The following CSMD3 variants were observed in gnomAD, a reference collection of about 807,000 sequenced individuals.
The protein encoded by CSMD3 is CUB and sushi domain-containing protein 3.
Under a neutral mutation model 435.2 loss-of-function variants are expected in CSMD3, and 177 were observed. That is an observed-to-expected ratio of 0.41 (90% CI 0.36 to 0.46). CSMD3 has a LOEUF of 0.46. CSMD3 is among the 20% of genes least tolerant of loss of function. CSMD3 has a pLI of 0.34. For missense variants in CSMD3, 4,265 were observed against 4,504.6 expected, an observed-to-expected ratio of 0.95 and a Z score of 1.52; for synonymous variants, 1,656 against 1,520.5, an observed-to-expected ratio of 1.09 and a Z score of -2.07.
chr8:112,653,117 G>C (rs1586896723), intron 18 of CSMD3, among the ~76,000 whole-genome samples: 2 of 152,118 alleles, frequency 1.3e-5, no homozygotes, highest in South Asian at 4.1e-4. Context: ...TGCCCAGCTA[G>C]TTTTAGAAAA....
At chr8:113,193,791 CT>C (rs2092617357) in intron 3 of CSMD3, among the ~76,000 whole-genome samples, 1 of 151,312 alleles carries the variant, frequency 6.6e-6, no homozygotes, top group Admixed American at 6.6e-5. Flanking sequence ...TCTATGTAAT[CT>C]TAAATCTAAA....
At chr8:112,441,560 T>G (rs1815023328) in intron 32 of CSMD3, among the ~76,000 whole-genome samples, 1 of 152,214 alleles carries the variant, frequency 6.6e-6, no homozygotes, top group Non-Finnish European at 1.5e-5. Context: ...TATTAGTCCA[T>G]TCTCATGCTG....
chr8:112,479,012 T>C (rs1819362199), intron 31 of CSMD3, among the ~76,000 whole-genome samples: 1 of 152,130 alleles, frequency 6.6e-6, no homozygotes, highest in South Asian at 2.1e-4. Context: ...AGCTGTTCTG[T>C]TGCTCAATAA....
chr8:112,953,224 T>C (rs1443037864), intron 8 of CSMD3, among the ~76,000 whole-genome samples: 2 of 151,524 alleles, frequency 1.3e-5, no homozygotes, highest in Non-Finnish European at 1.5e-5. Context: ...AACATAACAT[T>C]TAATTTTGCT....
At chr8:112,706,554 G>A (rs2076503002) in intron 13 of CSMD3, among the ~76,000 whole-genome samples, 1 of 152,012 alleles carries the variant, frequency 6.6e-6, no homozygotes, top group Non-Finnish European at 1.5e-5. Context: ...AGAGTAGTTT[G>A]ACCAAGGGAA....
In CSMD3 at chr8:113,236,964, C is replaced by T. The variant is rs186168748; in HGVS notation, c.514+41628G>A. Among the ~76,000 whole-genome samples the T allele has an allele frequency of 1.3e-3, 191 of 152,166 alleles. 1 individual carries two copies. Among genetic ancestry groups the T allele is most frequent in the African/African-American group, 4.5e-3 (187 of 41,526 alleles). On this transcript the variant is annotated intron_variant, in intron 3 of 70. Transcript: ENST00000297405. ...GTGGCTGAACCAGAATATACTTGCA[C>T]CTCCTAAGATTCTTTGTTCATCAGG... is the stretch of plus-strand genomic sequence containing the variant.
chr8:113,408,936 G>A (rs144387314), intron 1 of CSMD3, among the ~76,000 whole-genome samples: 34 of 152,032 alleles, frequency 2.2e-4, no homozygotes, highest in African/African-American at 7.0e-4. Flanking sequence ...AAAGTGCTCC[G>A]TATAGGCCGG....
At chr8:112,657,789 C>T (rs529650393) in intron 17 of CSMD3, among the ~76,000 whole-genome samples, 6 of 152,226 alleles carry the variant, frequency 3.9e-5, no homozygotes, top group African/African-American at 9.6e-5. Context: ...CTTAAATATG[C>T]GAACAGCAAG....
intron 5 of CSMD3, among the ~76,000 whole-genome samples, chr8:113,074,384 A>T (rs974241497): frequency 6.6e-6 from 1 of 151,938 alleles, no homozygotes; most frequent in Non-Finnish European, 1.5e-5. Flanking sequence ...ATCCTTGGAG[A>T]ATGTAATTAA....
At chr8:113,370,521 G>T (rs1464179794) in intron 1 of CSMD3, among the ~76,000 whole-genome samples, 2 of 151,538 alleles carry the variant, frequency 1.3e-5, no homozygotes, top group Non-Finnish European at 3.0e-5. Flanking sequence ...TTTATTGAAT[G>T]CATGTATAAA....
At chr8:112,510,934 T>C (rs1823056186) in intron 28 of CSMD3, among the ~76,000 whole-genome samples, 1 of 152,206 alleles carries the variant, frequency 6.6e-6, no homozygotes, top group Non-Finnish European at 1.5e-5. Flanking sequence ...GGATGCACAA[T>C]CTAATTTGTA....
At chr8:112,480,844 A>G (rs1218691074) in intron 31 of CSMD3, among the ~76,000 whole-genome samples, 7 of 152,198 alleles carry the variant, frequency 4.6e-5, no homozygotes, top group Admixed American at 4.6e-4. Flanking sequence ...ACACATGCTA[A>G]TATCTTATCA....
At chr8:112,353,878 G>A (rs543502125) in intron 38 of CSMD3, among the ~76,000 whole-genome samples, 6 of 151,978 alleles carry the variant, frequency 3.9e-5, no homozygotes, top group East Asian at 3.9e-4. Flanking sequence ...ACCAAAACAC[G>A]GCAAAGACAC....
chr8:112,424,703 A>T (rs1321444235), intron 32 of CSMD3, among the ~76,000 whole-genome samples: 1 of 151,768 alleles, frequency 6.6e-6, no homozygotes, highest in African/African-American at 2.4e-5. Context: ...TTATTTATTT[A>T]TTTATTTGAG....
chr8:112,375,626 ATAT>A (rs1161849366), intron 38 of CSMD3, among the ~76,000 whole-genome samples: 2 of 152,262 alleles, frequency 1.3e-5, no homozygotes, highest in African/African-American at 4.8e-5. Context: ...AGTTTAAAAA[ATAT>A]TATATATAAC....
chr8:112,968,800 T>A (rs1238261048), intron 7 of CSMD3, among the ~76,000 whole-genome samples: 1 of 152,006 alleles, frequency 6.6e-6, no homozygotes, highest in Non-Finnish European at 1.5e-5. Flanking sequence ...AAAACCCTGA[T>A]AATTGATTAC....
intron 3 of CSMD3, among the ~76,000 whole-genome samples, chr8:113,175,201 C>G (rs911625685): frequency 6.6e-6 from 1 of 151,632 alleles, no homozygotes; most frequent in Non-Finnish European, 1.5e-5. Flanking sequence ...GTTTTTTAAA[C>G]TTTCATTAAT....
intron 4 of CSMD3, among the ~76,000 whole-genome samples, chr8:113,101,213 C>A (rs1267945295): frequency 6.6e-6 from 1 of 152,092 alleles, no homozygotes; most frequent in African/African-American, 2.4e-5. Flanking sequence ...TGGCTGCTTA[C>A]ATTTCTGTCT....
intron 2 of CSMD3, among the ~76,000 whole-genome samples, chr8:113,279,246 G>A (rs2093594843): frequency 1.4e-5 from 2 of 147,922 alleles, no homozygotes; most frequent in Admixed American, 1.4e-4. Flanking sequence ...AGATACAAGA[G>A]ACCGAGAAGA....
Sources: gnomAD v4.1 joint callset for allele counts (sites outside exome capture counted in the v4.1 genomes callset) on GRCh38, gnomAD v4.1.1 for gene constraint, MANE v1.5 for transcripts, NCBI Gene and HGNC (gene_info 2026-07-23, HGNC 2026-07-21) for gene names.